The following PPFIA1 variants were observed in gnomAD, a reference collection of about 807,000 sequenced individuals.
PPFIA1 encodes PPFI scaffold protein A1.
A neutral mutation model predicts 149.9 loss-of-function variants in PPFIA1; 25 were observed. The observed-to-expected ratio is 0.17, with a 90% confidence interval of 0.12 to 0.23. The LOEUF (loss-of-function observed/expected upper bound fraction) is 0.23, where lower values mean the gene tolerates loss of function less well. PPFIA1 is among the 10% of genes least tolerant of loss of function. The pLI is 1.00. For missense variants in PPFIA1, 1,362 were observed against 1,506.5 expected (o/e 0.90, Z 1.59); for synonymous variants, 549 against 552.8 (o/e 0.99, Z 0.10).
chr11:70,297,268 G>T lies in PPFIA1; in HGVS notation c.264+24832G>T, dbSNP rs962279592. On this transcript the variant is annotated intron_variant, in intron 2 of 27. Transcript: ENST00000253925. ...TACAAAAAATCAAAAAGTTATTTGG[G>T]CGTGGTGGTGCGTGCTTGTAGTCCC... Among the ~76,000 whole-genome samples, 6 of 152,092 alleles carry T rather than the reference G, an allele frequency of 3.9e-5. No homozygotes were observed. The South Asian group carries it at 1.2e-3, about 32-fold the overall frequency.
intron 2 of PPFIA1, among the ~76,000 whole-genome samples, chr11:70,272,641 A>C (rs946426822): frequency 6.6e-6 from 1 of 152,212 alleles, no homozygotes; most frequent in Non-Finnish European, 1.5e-5. Context: ...AGTCATGTGA[A>C]AATACCTCAT....
At chr11:70,345,669 T>TA (rs1424349425) in intron 15 of PPFIA1, among the ~76,000 whole-genome samples, 8 of 151,602 alleles carry the variant, frequency 5.3e-5, no homozygotes, top group Admixed American at 2.0e-4. Context: ...CAAAAAAAAT[T>TA]AAAAAAAATG....
chr11:70,288,566 C>T (rs192089743), intron 2 of PPFIA1, among the ~76,000 whole-genome samples: 107 of 152,248 alleles, frequency 7.0e-4, no homozygotes, highest in African/African-American at 2.5e-3. Flanking sequence ...ATCACTTCTT[C>T]CTGGAAGTTG....
chr11:70,278,920 T>C, intron 2 of PPFIA1: 1 of 601,680 alleles, frequency 1.7e-6, no homozygotes. Context: ...CTTTAGACAG[T>C]CTGCTGTTGT....
intron 17 of PPFIA1, 124 bp from the exon 18 acceptor site, chr11:70,355,515 A>G (rs2056313878): frequency 1.1e-6 from 1 of 934,582 alleles, no homozygotes; most frequent in Non-Finnish European, 1.6e-6. Flanking sequence ...ATCATGCATG[A>G]TGCACTTGGT....
intron 21 of PPFIA1, among the ~76,000 whole-genome samples, chr11:70,366,288 TG>T (rs1417124886): frequency 6.6e-6 from 1 of 152,218 alleles, no homozygotes; most frequent in Non-Finnish European, 1.5e-5. Context: ...TGTAATTTCC[TG>T]GTAGGGTAAT....
intron 14 of PPFIA1, 134 bp downstream of exon 14, chr11:70,339,440 C>T: frequency 1.8e-6 from 2 of 1,118,242 alleles, no homozygotes; most frequent in Non-Finnish European, 2.5e-6. Flanking sequence ...TATTTTCTGA[C>T]TAAGAGTTTA....
intron 2 of PPFIA1, among the ~76,000 whole-genome samples, chr11:70,291,635 A>G (rs1001225584): frequency 6.6e-5 from 10 of 152,182 alleles, no homozygotes; most frequent in South Asian, 2.1e-4. Flanking sequence ...TCTTTTTGTG[A>G]TTGATGGAGA....
intron 2 of PPFIA1, among the ~76,000 whole-genome samples, chr11:70,312,515 A>G (rs1565380076): frequency 1.3e-5 from 2 of 152,128 alleles, no homozygotes; most frequent in Non-Finnish European, 2.9e-5. Context: ...TAAAAAATAT[A>G]TACTTCCTGG....
Position 70,332,322 on chromosome 11 carries a change from A to C in PPFIA1, c.1212+228A>C, listed in dbSNP as rs935948033. On this transcript the variant is annotated intron_variant, in intron 9 of 27. Transcript: ENST00000253925. ...TTTGTGAGCTGTATACTATTTGTCC[A>C]CGGCATGTGTGATCTGAGAGTTACT... Among the ~76,000 whole-genome samples the C allele has an allele frequency of 5.3e-5, 8 of 152,064 alleles. No homozygotes were observed. The South Asian group carries it at 8.3e-4, about 16-fold the overall frequency.
At chr11:70,322,070 T>C (rs1294500600) in intron 2 of PPFIA1, among the ~76,000 whole-genome samples, 1 of 152,076 alleles carries the variant, frequency 6.6e-6, no homozygotes, top group Non-Finnish European at 1.5e-5. Context: ...GTAGAGATGG[T>C]GTTTCTCCAT....
chr11:70,363,710 T>G (rs1591351974), intron 21 of PPFIA1, among the ~76,000 whole-genome samples: 1 of 152,114 alleles, frequency 6.6e-6, no homozygotes, highest in East Asian at 1.9e-4. Flanking sequence ...GACAGGGTCT[T>G]GCTGTGTTGA....
intron 2 of PPFIA1, among the ~76,000 whole-genome samples, chr11:70,286,371 C>T (rs2051123126): frequency 6.6e-6 from 1 of 152,166 alleles, no homozygotes; most frequent in African/African-American, 2.4e-5. Context: ...CCTCCCTCAG[C>T]GTCCCAAGTA....
chr11:70,367,101 T>C (rs1365205776), intron 21 of PPFIA1, among the ~76,000 whole-genome samples: 1 of 152,246 alleles, frequency 6.6e-6, no homozygotes, highest in African/African-American at 2.4e-5. Flanking sequence ...AGTATGAAAT[T>C]GCCTGAGTCA....
intron 14 of PPFIA1, among the ~76,000 whole-genome samples, chr11:70,339,631 T>C (rs908960053): frequency 1.3e-5 from 2 of 152,018 alleles, no homozygotes; most frequent in South Asian, 2.1e-4. Flanking sequence ...CTGTAGTTTT[T>C]TTTTTTTTTT....
intron 15 of PPFIA1, 136 bp from the exon 16 acceptor site, chr11:70,348,053 G>A: frequency 1.5e-6 from 1 of 650,646 alleles, no homozygotes; most frequent in Non-Finnish European, 2.6e-6. Flanking sequence ...CATTTTTGCT[G>A]AAGTGTTCAT....
At position 70,362,437 on chromosome 11, in the gene PPFIA1, C is replaced by G. The variant is rs1647687854; in HGVS notation, c.2814C>G (p.Ile938Met). The change falls in exon 21 of 28, where the codon ATC (isoleucine) becomes ATG (methionine). Residue 938 changes from isoleucine (I) to methionine (M), a missense_variant. By Grantham distance (10) the Ile-to-Met change is conservative. This residue lies in a region of PPFIA1 where 349 missense variants were observed against 373.3 expected (regional missense o/e 0.93). Transcript: ENST00000253925. ...PLHRLKLRLA[I>M]QEIMSLTSPS... ...ACAGGCTGAAGCTGAGGCTGGCCAT[C>G]CAGGAGATCATGTCGCTGACCAGCC... The G allele has an allele frequency of 3.1e-6, 5 of 1,614,166 alleles. No homozygotes were observed. The highest frequency in any genetic ancestry group is 1.3e-5 in the African/African-American group (1 of 75,046).
chr11:70,355,593 T>C, intron 17 of PPFIA1, 46 bp from the exon 18 acceptor site: 1 of 1,534,920 alleles, frequency 6.5e-7, no homozygotes, highest in Non-Finnish European at 8.8e-7. Context: ...ATATGTGAAG[T>C]ATCCTACAAG....
chr11:70,277,553 C>A (rs888774005), intron 2 of PPFIA1, among the ~76,000 whole-genome samples: 1 of 151,510 alleles, frequency 6.6e-6, no homozygotes, highest in Non-Finnish European at 1.5e-5. Flanking sequence ...TGCAGTGGCA[C>A]GATCTTGGCG....
Sources: allele counts gnomAD v4.1 joint callset (sites outside exome capture counted in the v4.1 genomes callset), GRCh38; gene constraint gnomAD v4.1.1; regional missense constraint gnomAD v4.1.1; transcripts MANE v1.5; gene names NCBI Gene and HGNC (gene_info 2026-07-23, HGNC 2026-07-21).